Variants in IFFO2 observed in about 807,000 individuals in gnomAD.
IFFO2 encodes intermediate filament family orphan 2.
IFFO2 carries 19 observed loss-of-function variants against 53.5 expected under a neutral mutation model. The observed-to-expected ratio is 0.36, with a 90% CI of 0.25 to 0.52. The LOEUF is 0.52. Among genes scored for constraint, IFFO2 ranks in the 20% least tolerant of loss-of-function variants. The pLI, the probability that IFFO2 is intolerant of heterozygous loss-of-function variation, is 0.94. For missense variants in IFFO2, 570 were observed against 727.4 expected, an observed-to-expected ratio of 0.78 and a Z score of 2.49; for synonymous variants, 303 against 313.6, an observed-to-expected ratio of 0.97 and a Z score of 0.36.
chr1:18,927,907 C>A (rs1465076292), intron 1 of IFFO2, among the ~76,000 whole-genome samples: 1 of 152,208 alleles, frequency 6.6e-6, no homozygotes, highest in Non-Finnish European at 1.5e-5. Context: ...TCCTTGCACA[C>A]CATCCCCCTC....
In IFFO2 at chr1:18,916,609, A is replaced by T. The variant is rs1313178636; in HGVS notation, c.1103+294T>A. The stretch of plus-strand genomic sequence containing the variant: ...AGTGAGACCCTGTCTCTACAAAAAA[A>T]TTTAAAAATTAGCTGGGCATGGTGG... On this transcript the variant is annotated intron_variant, in intron 5 of 8. Transcript: ENST00000455833. The surrounding 1 kb of genome is among the most constrained non-coding windows in gnomAD (Gnocchi z 4.3). Among the ~76,000 whole-genome samples the T allele has an allele frequency of 3.3e-5, 5 of 152,138 alleles. No individual in the cohort carries two copies. Among genetic ancestry groups the T allele is most frequent in the Non-Finnish European group, 7.4e-5 (5 of 68,012 alleles).
intron 1 of IFFO2, among the ~76,000 whole-genome samples, chr1:18,937,983 C>T (rs1936471268): frequency 6.6e-6 from 1 of 152,266 alleles, no homozygotes; most frequent in African/African-American, 2.4e-5. Flanking sequence ...CCTCCAGCCA[C>T]AGGATTCCCA....
In IFFO2 at chr1:18,918,538, G is replaced by A; in HGVS notation, c.823-36C>T. On this transcript the variant is annotated intron_variant, in intron 3 of 8. Coordinates refer to ENST00000455833, the MANE Select transcript of IFFO2 (RefSeq NM_001136265.2). This position sits in a 1 kb window ranked among gnomAD's most constrained non-coding sequence, Gnocchi z 5.2. ...GACAGCAGGGTTTACATGAGCGAGG[G>A]ATGGAGCAAGCCTGGGGGGCTTGGC... 1.9e-6 allele frequency: 3 copies of A among 1,549,972 alleles called. No individual in the cohort carries two copies. Among genetic ancestry groups the A allele is most frequent in the Non-Finnish European group, 2.6e-6 (3 of 1,145,540 alleles).
chr1:18,914,822 C>G (rs1029206630), intron 5 of IFFO2, among the ~76,000 whole-genome samples: 1 of 72,144 alleles, frequency 1.4e-5, no homozygotes. Context: ...GGCTCCATCT[C>G]AAAAAAAAAA....
chr1:18,935,047 C>T (rs549511681), intron 1 of IFFO2, among the ~76,000 whole-genome samples: 84 of 152,282 alleles, frequency 5.5e-4, no homozygotes, highest in South Asian at 1.0e-3. Flanking sequence ...TTAGAGAGAA[C>T]GCTCTCTGGC....
In IFFO2 at chr1:18,918,780, G is replaced by A. The variant is rs531997307; in HGVS notation, c.823-278C>T. 3.9e-5 allele frequency among the ~76,000 whole-genome samples: 6 copies of A among 152,082 alleles called. No homozygotes were observed. The highest frequency in any genetic ancestry group is 2.1e-4 in the South Asian group (1 of 4,824). On this transcript the variant is annotated intron_variant, in intron 3 of 8. Transcript: ENST00000455833. This position sits in a 1 kb window ranked among gnomAD's most constrained non-coding sequence, Gnocchi z 5.2. ...CATCCTCCCAGCAGACACAGGGTCCGTGTTCACTTTGTTAGAGCGAAGAAA... is the reference window on the plus strand; with the variant it reads ...CATCCTCCCAGCAGACACAGGGTCCATGTTCACTTTGTTAGAGCGAAGAAA...
chr1:18,949,582 C>G (rs1298337231), intron 1 of IFFO2, among the ~76,000 whole-genome samples: 1 of 152,270 alleles, frequency 6.6e-6, no homozygotes, highest in Non-Finnish European at 1.5e-5. Flanking sequence ...AAATGCAAAG[C>G]CCACAGCCTC....
At chr1:18,926,809 A>T (rs1936304240) in intron 1 of IFFO2, among the ~76,000 whole-genome samples, 1 of 152,072 alleles carries the variant, frequency 6.6e-6, no homozygotes, top group African/African-American at 2.4e-5. Flanking sequence ...CGGAAACCCA[A>T]GCTGAAGTCA....
At position 18,917,098 on chromosome 1, in the gene IFFO2, T is replaced by C; in HGVS notation, c.964-56A>G. On this transcript the variant is annotated intron_variant, in intron 4 of 8. Coordinates refer to ENST00000455833, the MANE Select transcript of IFFO2 (RefSeq NM_001136265.2). The surrounding 1 kb of genome is among the most constrained non-coding windows in gnomAD (Gnocchi z 5.9). ...TGGGGGGCTCGGCTAGGATGGAAGG[T>C]AGGGGTGAACTGGGAAGGGAGCCGG... The C allele has an allele frequency of 1.3e-6, 2 of 1,534,630 alleles. No individual in the cohort carries two copies. Among genetic ancestry groups the C allele is most frequent in the Non-Finnish European group, 1.8e-6 (2 of 1,136,366 alleles).
rs1047378551 is a variant in IFFO2, at chr1:18,907,397, A to G, written c.*1164T>C. 6 of 152,488 alleles carry G rather than the reference A, an allele frequency of 3.9e-5. No homozygotes were observed. The highest frequency in any genetic ancestry group is 1.4e-4 in the African/African-American group (6 of 41,460). 9.4% of individuals were successfully genotyped at this position (152,488 alleles called of 1,614,324 possible). A position where few individuals can be genotyped will look rare whatever the true frequency, so the allele number is the denominator to read the frequency against. On this transcript the variant is annotated 3_prime_UTR_variant, in exon 9 of 9. Coordinates refer to ENST00000455833, the MANE Select transcript of IFFO2 (RefSeq NM_001136265.2). ...GGATGGCCCTCACTCCAGCTCCTGC[A>G]CTGCCAGCAGCCCACCCTGCTTCTC...
chr1:18,943,222 A>T (rs903668581), intron 1 of IFFO2, among the ~76,000 whole-genome samples: 4 of 151,744 alleles, frequency 2.6e-5, no homozygotes, highest in Admixed American at 1.3e-4. Context: ...ATTTTTTTTA[A>T]AAAAAAATTA....
intron 1 of IFFO2, among the ~76,000 whole-genome samples, chr1:18,944,275 G>A (rs1936558346): frequency 6.6e-6 from 1 of 152,242 alleles, no homozygotes; most frequent in Non-Finnish European, 1.5e-5. Context: ...CTGGAAGCAG[G>A]AGGATGGATG....
chr1:18,951,205 A>G (rs1936655554), intron 1 of IFFO2, among the ~76,000 whole-genome samples: 2 of 152,200 alleles, frequency 1.3e-5, no homozygotes, highest in Admixed American at 1.3e-4. Context: ...GCATGGAGCT[A>G]TGGTGGGCAA....
chr1:18,925,955 A>G (rs59770591), intron 1 of IFFO2, among the ~76,000 whole-genome samples: 2 of 12,760 alleles, frequency 1.6e-4, no homozygotes, highest in Non-Finnish European at 3.0e-4. Flanking sequence ...GGATGGATGG[A>G]TTGGTTGGAT....
intron 1 of IFFO2, among the ~76,000 whole-genome samples, chr1:18,923,300 C>T (rs1156449475): frequency 6.6e-6 from 1 of 152,240 alleles, no homozygotes; most frequent in African/African-American, 2.4e-5. Flanking sequence ...CCCAGCACCC[C>T]TCACTTCTCC....
chr1:18,911,400 G>A lies in IFFO2; in HGVS notation c.1301C>T (p.Thr434Met), dbSNP rs1417029658. ...AGCCCTCACCTCGATCTGACCTATC[G>A]TTTCCTGGTACTCCTTGTCTCTCGT... ...FKTRDKEYQE[T>M]IGQIELELAT... is the part of the protein sequence containing the mutation. Residue 434 changes from threonine to methionine, a missense_variant, in exon 7 of 9, where the codon ACG (threonine) becomes ATG (methionine). Transcript: ENST00000455833. The A allele has an allele frequency of 3.9e-6, 6 of 1,519,448 alleles. No individual in the cohort carries two copies. Among genetic ancestry groups the A allele is most frequent in the Middle Eastern group, 1.7e-4 (1 of 5,924 alleles). 94.1% of individuals were successfully genotyped at this position (1,519,448 alleles called of 1,614,324 possible).
chr1:18,948,704 A>G (rs2148190942), intron 1 of IFFO2, among the ~76,000 whole-genome samples: 1 of 152,342 alleles, frequency 6.6e-6, no homozygotes, highest in East Asian at 1.9e-4. Context: ...GGCAATGCTC[A>G]AAGGGCTGTG....
chr1:18,911,924 C>T lies in IFFO2; in HGVS notation c.1224+39G>A, dbSNP rs1047476785. On this transcript the variant is annotated intron_variant, in intron 6 of 8. Coordinates refer to ENST00000455833, the MANE Select transcript of IFFO2 (RefSeq NM_001136265.2). ...ATTGAAAGGCGGTGTCCCCCAGACC[C>T]CTAGTCCTGGCCTTTGGGAAGCCAG... is the stretch of plus-strand genomic sequence containing the variant. 2.6e-6 allele frequency: 4 copies of T among 1,550,218 alleles called. No individual in the cohort carries two copies. In the African/African-American group the frequency reaches 4.1e-5, roughly 16 times the overall value.
chr1:18,905,436 G>A lies in IFFO2; in HGVS notation c.*3125C>T, dbSNP rs934856641. The A allele has an allele frequency of 4.0e-5, 6 of 151,834 alleles. No individual in the cohort carries two copies. The highest frequency in any genetic ancestry group is 9.7e-5 in the African/African-American group (4 of 41,316). The allele number at this position is 151,834 out of a possible 1,614,324, so 9.4% of individuals were successfully genotyped here. The stretch of plus-strand genomic sequence containing the variant: ...CTTCCTTTCATAAAAATAGATGAGA[G>A]TCTCTTGCTTTATAAATAGATTACA... On this transcript the variant is annotated 3_prime_UTR_variant, in exon 9 of 9. Coordinates refer to ENST00000455833, the MANE Select transcript of IFFO2 (RefSeq NM_001136265.2).
Sources: gnomAD v4.1 joint callset for allele counts (sites outside exome capture counted in the v4.1 genomes callset) on GRCh38, gnomAD v4.1.1 for gene constraint, Gnocchi (gnomAD v3.1) non-coding constraint, MANE v1.5 for transcripts, NCBI Gene and HGNC (gene_info 2026-07-23, HGNC 2026-07-21) for gene names.